Variants in MBD2 observed in about 807,000 individuals in gnomAD.
The protein encoded by MBD2 is methyl-CpG-binding domain protein 2.
A neutral mutation model predicts 39.3 loss-of-function variants in MBD2; 9 were observed. The ratio of observed to expected loss-of-function variants is 0.23; its 90% CI spans 0.14 to 0.40. The LOEUF is 0.40. Ranked by LOEUF, MBD2 falls within the 10% of genes least tolerant of loss-of-function variation. The pLI is 1.00. For missense variants in MBD2, 458 were observed against 532.6 expected, an observed-to-expected ratio of 0.86 and a Z score of 1.38; for synonymous variants, 233 against 211.1, an observed-to-expected ratio of 1.10 and a Z score of -0.90.
intron 3 of MBD2, among the ~76,000 whole-genome samples, chr18:54,168,786 A>G (rs995401426): frequency 2.0e-5 from 3 of 151,716 alleles, no homozygotes; most frequent in Admixed American, 1.3e-4. Flanking sequence ...CAACCTTTCC[A>G]ACACTCACTC....
intron 1 of MBD2, among the ~76,000 whole-genome samples, chr18:54,220,700 A>T (rs2086604164): frequency 6.6e-6 from 1 of 152,226 alleles, no homozygotes; most frequent in Non-Finnish European, 1.5e-5. Context: ...GAACTAATGG[A>T]ATTTTTAAAT....
chr18:54,164,637 C>T lies in MBD2; in HGVS notation c.995G>A (p.Ser332Asn). ...GACTTGCCCTGTGATTGGCGCAGAG[C>T]TTGTGTGCAAAGCACTGGCAACAGC... Reference protein sequence around the residue: ...LSAVASALHTSSAPITGQVSA... With the variant: ...LSAVASALHTNSAPITGQVSA... Residue 332 changes from serine to asparagine, a missense_variant, in exon 5 of 7, where the codon AGC (serine) becomes AAC (asparagine). Around this residue, in one of 2 missense-constraint regions of MBD2, gnomAD observed 189 missense variants for 296.6 expected, o/e 0.64. Transcript: ENST00000256429. 6.2e-7 allele frequency: 1 copy of T among 1,614,158 alleles called. No homozygotes were observed. Among genetic ancestry groups the T allele is most frequent in the Non-Finnish European group, 8.5e-7 (1 of 1,180,010 alleles).
chr18:54,178,105 G>A (rs149435688), intron 3 of MBD2, among the ~76,000 whole-genome samples: 56 of 152,062 alleles, frequency 3.7e-4, no homozygotes, highest in Non-Finnish European at 6.8e-4. Context: ...GCCTCCCAAA[G>A]TGCTTGGATT....
At position 54,164,503 on chromosome 18, in the gene MBD2, G is replaced by A. The variant is rs1473496285; in HGVS notation, c.1109+20C>T. On this transcript the variant is annotated intron_variant, in intron 5 of 6. Transcript: ENST00000256429. ...AAACGTAAAAACCCAAGTTTATGAAGTCATGTTAAACTGCATTACCTGATG... is the reference window on the plus strand; with the variant it reads ...AAACGTAAAAACCCAAGTTTATGAAATCATGTTAAACTGCATTACCTGATG... The A allele has an allele frequency of 3.1e-6, 5 of 1,589,104 alleles. No homozygotes were observed. The highest frequency in any genetic ancestry group is 2.7e-5 in the African/African-American group (2 of 74,506).
chr18:54,207,145 G>C (rs537211048), intron 1 of MBD2, among the ~76,000 whole-genome samples: 1 of 152,282 alleles, frequency 6.6e-6, no homozygotes, highest in South Asian at 2.1e-4. Flanking sequence ...CTTTATATCT[G>C]TTATATAATT....
rs146302830 is a variant in MBD2 at position 54,214,885 on chromosome 18, G to A, written c.542+9133C>T. ...CTCCCTAGTAGCTGGGACGACAGGC[G>A]CCCGCCAACAGGCCCAGCTAATTTT... On this transcript the variant is annotated intron_variant, in intron 1 of 6. Coordinates refer to ENST00000256429, the MANE Select transcript of MBD2 (RefSeq NM_003927.5). Among the ~76,000 whole-genome samples, 1,211 of 151,734 alleles carry A rather than the reference G, an allele frequency of 8.0e-3. 18 individuals carry two copies. Among genetic ancestry groups the A allele is most frequent in the African/African-American group, 0.027 (1,119 of 41,368 alleles).
At chr18:54,177,827 CTTT>C (rs34113185) in intron 3 of MBD2, among the ~76,000 whole-genome samples, 1 of 87,172 alleles carries the variant, frequency 1.1e-5, no homozygotes. Context: ...TTTTTCCTCT[CTTT>C]TTTTTTTTTT....
chr18:54,172,308 C>T (rs1322469691), intron 3 of MBD2, among the ~76,000 whole-genome samples: 1 of 151,954 alleles, frequency 6.6e-6, no homozygotes, highest in Middle Eastern at 3.4e-3. Context: ...TCTTAGACCA[C>T]AATTACAAAT....
chr18:54,187,684 C>T (rs1192481562), intron 3 of MBD2: 1 of 985,722 alleles, frequency 1.0e-6, no homozygotes, highest in African/African-American at 1.7e-5. Flanking sequence ...TGCAGGTACG[C>T]ATCTTTTATG....
chr18:54,224,282 C>CCCCGGA lies in MBD2; in HGVS notation c.277_278insTCCGGG (p.Arg92_Gly93insValArg). 2.1e-6 allele frequency: 2 copies of CCCCGGA among 938,606 alleles called. No individual in the cohort carries two copies. The highest frequency in any genetic ancestry group is 9.4e-5 in the South Asian group (2 of 21,256). The allele number at this position is 938,606 out of a possible 1,614,324, so 58.1% of individuals were successfully genotyped here. ...GCCGCCACTCGGGGGACGGCCGCGG[C>CCCCGGA]CCCGGCCCCGGCCCCGTCCCCGTCC... On this transcript the variant is annotated inframe_insertion, in exon 1 of 7. Transcript: ENST00000256429.
chr18:54,189,369 G>A (rs1455536834), intron 2 of MBD2, among the ~76,000 whole-genome samples: 5 of 146,356 alleles, frequency 3.4e-5, no homozygotes, highest in Admixed American at 1.4e-4. Flanking sequence ...GACTACAGGC[G>A]CCCGCCACCA....
In MBD2 at chr18:54,205,554, G is replaced by A. The variant is rs535762395; in HGVS notation, c.543-397C>T. ...TGCAGTGAGCCAAGATCGCGTCACT[G>A]TACTCCAGCCTGGGCAACAAGAGCA... On this transcript the variant is annotated intron_variant, in intron 1 of 6. Coordinates refer to ENST00000256429, the MANE Select transcript of MBD2 (RefSeq NM_003927.5). 6.4e-5 allele frequency among the ~76,000 whole-genome samples: 9 copies of A among 141,530 alleles called. No individual in the cohort carries two copies. The East Asian group carries it at 1.9e-3, about 30-fold the overall frequency. 92.8% of individuals were successfully genotyped at this position (141,530 alleles called of 152,430 possible).
chr18:54,205,729 C>A (rs1391914468), intron 1 of MBD2, among the ~76,000 whole-genome samples: 1 of 152,082 alleles, frequency 6.6e-6, no homozygotes, highest in East Asian at 1.9e-4. Context: ...ACAGCCTATC[C>A]CACTGGTCAC....
rs1279483621 is a variant in MBD2 at position 54,159,920 on chromosome 18, TA to T, written c.1110-18del. The T allele has an allele frequency of 6.2e-7, 1 of 1,609,446 alleles. No homozygotes were observed. ...TCCTGTTTCCTTTTTAAAAACAGAA[TA>T]AAAAGGCACTGAGAATTTGGCAAGT... On this transcript the variant is annotated intron_variant, in intron 5 of 6. Coordinates refer to ENST00000256429, the MANE Select transcript of MBD2 (RefSeq NM_003927.5).
chr18:54,222,266 T>G, intron 1 of MBD2: 1 of 453,366 alleles, frequency 2.2e-6, no homozygotes, highest in Non-Finnish European at 4.4e-6. Context: ...ACAATAACCT[T>G]TTTTTTTAAT....
At chr18:54,210,898 G>A (rs1360556286) in intron 1 of MBD2, among the ~76,000 whole-genome samples, 4 of 122,604 alleles carry the variant, frequency 3.3e-5, no homozygotes, top group South Asian at 2.8e-4. Flanking sequence ...TTGAGACAGA[G>A]TCTCGCTCTG....
chr18:54,214,003 C>CT (rs529774043), intron 1 of MBD2, among the ~76,000 whole-genome samples: 4,278 of 129,292 alleles, frequency 0.033, 186 homozygotes, highest in African/African-American at 0.1. Flanking sequence ...TTCTTTCTTT[C>CT]TTTTTTTTTT....
At chr18:54,222,980 A>C (rs2086628097) in intron 1 of MBD2, among the ~76,000 whole-genome samples, 1 of 152,268 alleles carries the variant, frequency 6.6e-6, no homozygotes, top group African/African-American at 2.4e-5. Context: ...CATTATTACA[A>C]TAGCTAAATG....
intron 3 of MBD2, among the ~76,000 whole-genome samples, chr18:54,170,564 A>G (rs2086172776): frequency 6.6e-6 from 1 of 152,228 alleles, no homozygotes; most frequent in African/African-American, 2.4e-5. Flanking sequence ...GTGAAGAACA[A>G]AAGAGATGGC....
Sources: allele counts gnomAD v4.1 joint callset (sites outside exome capture counted in the v4.1 genomes callset), GRCh38; gene constraint gnomAD v4.1.1; regional missense constraint gnomAD v4.1.1; transcripts MANE v1.5; gene names NCBI Gene and HGNC (gene_info 2026-07-23, HGNC 2026-07-21).